The following DGKI variants were observed in gnomAD, a reference collection of about 807,000 sequenced individuals.
DGKI encodes the protein diacylglycerol kinase iota.
A neutral mutation model predicts 147.5 loss-of-function variants in DGKI; 55 were observed. The observed-to-expected ratio is 0.37, with a 90% confidence interval of 0.30 to 0.47. The LOEUF (loss-of-function observed/expected upper bound fraction) is 0.47, where lower values mean the gene tolerates loss of function less well. Ranked by LOEUF, DGKI falls within the 20% of genes least tolerant of loss-of-function variation. The pLI, the probability that DGKI is intolerant of heterozygous loss-of-function variation, is 1.00. For synonymous variants in DGKI, 469 were observed against 477.1 expected (o/e 0.98, Z 0.22); for missense variants, 1,007 against 1,323.8 (o/e 0.76, Z 3.71).
chr7:137,503,057 C>T (rs548227268), intron 21 of DGKI, among the ~76,000 whole-genome samples: 1 of 152,264 alleles, frequency 6.6e-6, no homozygotes, highest in African/African-American at 2.4e-5. Context: ...TTCTCGTGAA[C>T]ATACTTGGCA....
At chr7:137,422,045 A>G (rs1002423103) in intron 28 of DGKI, among the ~76,000 whole-genome samples, 11 of 152,212 alleles carry the variant, frequency 7.2e-5, no homozygotes, top group Non-Finnish European at 1.3e-4. Context: ...CACTGCAACT[A>G]TCTCATGAGA....
chr7:137,441,661 A>G (rs1247686115), intron 28 of DGKI, among the ~76,000 whole-genome samples: 2 of 152,194 alleles, frequency 1.3e-5, no homozygotes, highest in Non-Finnish European at 2.9e-5. Flanking sequence ...TTTTCCAAGA[A>G]TAAGTTCTTG....
At chr7:137,542,699 A>G (rs931850597) in intron 20 of DGKI, among the ~76,000 whole-genome samples, 2 of 152,140 alleles carry the variant, frequency 1.3e-5, no homozygotes, top group African/African-American at 4.8e-5. Flanking sequence ...ATGAATCTCT[A>G]TATGTCTTAA....
intron 27 of DGKI, among the ~76,000 whole-genome samples, chr7:137,457,232 T>G (rs1814239578): frequency 1.3e-5 from 2 of 152,170 alleles, no homozygotes. Flanking sequence ...CCAGGAGCCA[T>G]CTTTATCCTG....
At chr7:137,705,895 G>A (rs936199992) in intron 1 of DGKI, among the ~76,000 whole-genome samples, 1 of 151,938 alleles carries the variant, frequency 6.6e-6, no homozygotes, top group Non-Finnish European at 1.5e-5. Flanking sequence ...CCCTGAGAGA[G>A]GGTCAGGAGG....
chr7:137,655,572 C>T (rs1822189440), intron 4 of DGKI, among the ~76,000 whole-genome samples: 2 of 152,162 alleles, frequency 1.3e-5, no homozygotes, highest in African/African-American at 4.8e-5. Context: ...GGCACATTGA[C>T]ATTTCGGTTA....
At chr7:137,604,520 G>T (rs1238139431) in intron 10 of DGKI, among the ~76,000 whole-genome samples, 3 of 152,080 alleles carry the variant, frequency 2.0e-5, no homozygotes, top group African/African-American at 7.2e-5. Context: ...AAACTCAGCT[G>T]CCATGTGTCT....
At chr7:137,519,211 C>T (rs79413705) in intron 21 of DGKI, among the ~76,000 whole-genome samples, 2,084 of 152,148 alleles carry the variant, frequency 0.014, 52 homozygotes, top group African/African-American at 0.047. Flanking sequence ...AGAGTATAGT[C>T]CTCTTTCTCT....
At chr7:137,764,682 C>A (rs1795954997) in intron 1 of DGKI, among the ~76,000 whole-genome samples, 1 of 152,138 alleles carries the variant, frequency 6.6e-6, no homozygotes, top group Non-Finnish European at 1.5e-5. Context: ...CTAGTTGGTA[C>A]CTTTTGTCCT....
At chr7:137,809,856 A>G (rs2116994933) in intron 1 of DGKI, among the ~76,000 whole-genome samples, 1 of 152,170 alleles carries the variant, frequency 6.6e-6, no homozygotes, top group African/African-American at 2.4e-5. Context: ...GTGAGCCATG[A>G]TCGCACCACT....
At chr7:137,638,569 C>CAT (rs1303256183) in intron 6 of DGKI, among the ~76,000 whole-genome samples, 481 of 14,188 alleles carry the variant, frequency 0.034, 7 homozygotes, top group Non-Finnish European at 0.064. Context: ...TATATACACA[C>CAT]ATATATGTAT....
chr7:137,397,105 A>G (rs942267346), intron 31 of DGKI, among the ~76,000 whole-genome samples: 4 of 152,250 alleles, frequency 2.6e-5, no homozygotes, highest in African/African-American at 9.6e-5. Flanking sequence ...ACATTCCAAG[A>G]TGCACCAGTG....
chr7:137,770,829 G>A (rs1205625020), intron 1 of DGKI, among the ~76,000 whole-genome samples: 2 of 48,710 alleles, frequency 4.1e-5, no homozygotes, highest in East Asian at 5.9e-4. Context: ...CACCGCGCCC[G>A]GCCCTCAGTG....
chr7:137,467,332 G>A (rs1429570588), intron 24 of DGKI, among the ~76,000 whole-genome samples: 1 of 152,146 alleles, frequency 6.6e-6, no homozygotes, highest in Non-Finnish European at 1.5e-5. Context: ...GAGACTAAGA[G>A]ACCTGCCTCT....
At chr7:137,601,626 G>T (rs1240886372) in intron 10 of DGKI, among the ~76,000 whole-genome samples, 1 of 152,202 alleles carries the variant, frequency 6.6e-6, no homozygotes, top group Non-Finnish European at 1.5e-5. Flanking sequence ...CTTCCAGGGT[G>T]AGTATGAGAA....
intron 29 of DGKI, among the ~76,000 whole-genome samples, chr7:137,411,734 T>C (rs965009562): frequency 2.0e-5 from 3 of 152,170 alleles, no homozygotes; most frequent in African/African-American, 2.4e-5. Flanking sequence ...GGGTTCTTGT[T>C]TGACTAACTA....
intron 5 of DGKI, among the ~76,000 whole-genome samples, chr7:137,647,056 C>T (rs1348787701): frequency 1.3e-5 from 2 of 152,158 alleles, no homozygotes; most frequent in Non-Finnish European, 2.9e-5. Context: ...TTTCCTACTA[C>T]CACAGTTTAA....
intron 28 of DGKI, among the ~76,000 whole-genome samples, chr7:137,424,693 T>C (rs1812715670): frequency 6.6e-6 from 1 of 152,186 alleles, no homozygotes; most frequent in Non-Finnish European, 1.5e-5. Context: ...CCTAATACTG[T>C]GCTTTTCCAA....
intron 1 of DGKI, among the ~76,000 whole-genome samples, chr7:137,801,324 T>C (rs1022169329): frequency 2.6e-5 from 4 of 152,156 alleles, no homozygotes; most frequent in African/African-American, 4.8e-5. Flanking sequence ...CATTAGCTAC[T>C]AGAAAGAGAA....
Sources: allele counts gnomAD v4.1 joint callset (sites outside exome capture counted in the v4.1 genomes callset), GRCh38; gene constraint gnomAD v4.1.1; transcripts MANE v1.5; gene names NCBI Gene and HGNC (gene_info 2026-07-23, HGNC 2026-07-21).